Variants in SSBP4 observed in about 807,000 individuals in gnomAD.
SSBP4 encodes single-stranded DNA-binding protein 4.
A neutral mutation model predicts 64.6 loss-of-function variants in SSBP4; 33 were observed. That is an observed-to-expected ratio of 0.51 (90% CI 0.39 to 0.68). The LOEUF is 0.68. Among genes scored for constraint, SSBP4 ranks in the 30% least tolerant of loss-of-function variants. SSBP4 has a pLI of 0.00. For synonymous variants in SSBP4, 243 were observed against 224.0 expected, an observed-to-expected ratio of 1.08 and a Z score of -0.76; for missense variants, 583 against 566.8, an observed-to-expected ratio of 1.03 and a Z score of -0.29.
the SSBP4 span, among the ~76,000 whole-genome samples, chr19:18,409,874 C>G: frequency 6.6e-6 from 1 of 152,114 alleles, no homozygotes; most frequent in African/African-American, 2.4e-5. Flanking sequence ...CTCTGTCATC[C>G]AGGCTGGAGT....
intron 1 of SSBP4, 119 bp downstream of exon 1, chr19:18,419,826 T>C: frequency 1.5e-6 from 1 of 686,896 alleles, no homozygotes. Context: ...CTGAGCGCGC[T>C]CGAGGGGTCG....
intron 7 of SSBP4, 32 bp from the exon 8 acceptor site, chr19:18,431,761 C>T (rs1973404504): frequency 3.2e-6 from 5 of 1,540,042 alleles, no homozygotes; most frequent in Non-Finnish European, 4.4e-6. Flanking sequence ...AGGGAGCACC[C>T]CACACTCAGT....
the SSBP4 span, among the ~76,000 whole-genome samples, chr19:18,407,723 A>G: frequency 6.6e-6 from 1 of 151,788 alleles, no homozygotes. Flanking sequence ...GAGCCACTGT[A>G]CCCGGCCTTA....
At chr19:18,425,167 A>G (rs923198752) in intron 1 of SSBP4, among the ~76,000 whole-genome samples, 2 of 151,954 alleles carry the variant, frequency 1.3e-5, no homozygotes, top group Admixed American at 6.5e-5. Context: ...GTCGAGGAAC[A>G]GGAGACAAGG....
intron 4 of SSBP4, among the ~76,000 whole-genome samples, chr19:18,430,317 C>T (rs546911563): frequency 3.6e-4 from 55 of 152,286 alleles, no homozygotes; most frequent in Admixed American, 7.8e-4. Context: ...ACCACAATTT[C>T]TGGCAGATAC....
the SSBP4 span, among the ~76,000 whole-genome samples, chr19:18,410,196 C>T: frequency 6.6e-6 from 1 of 152,184 alleles, no homozygotes; most frequent in African/African-American, 2.4e-5. Context: ...CGGGGTTTCA[C>T]CGTGTTAGCC....
chr19:18,433,876 C>A, intron 17 of SSBP4, 59 bp downstream of exon 17: 1 of 1,296,420 alleles, frequency 7.7e-7, no homozygotes. Flanking sequence ...GGCTGGCGGG[C>A]AGGCCCCGGC....
At position 18,427,443 on chromosome 19, in the gene SSBP4, C is replaced by G. The variant is rs1455066063; in HGVS notation, c.132+20C>G. 1 of 1,606,602 alleles carries G rather than the reference C, an allele frequency of 6.2e-7. No individual in the cohort carries two copies. The highest frequency in any genetic ancestry group is 8.5e-7 in the Non-Finnish European group (1 of 1,179,376). ...TCTGAGGTAAGCCACCACCTCCAGG[C>G]TGGCCCTCCCTCCTCACCCACACTC... On this transcript the variant is annotated intron_variant, in intron 2 of 17. Transcript: ENST00000270061. The surrounding 1 kb of genome is among the most constrained non-coding windows in gnomAD (Gnocchi z 4.4).
intron 1 of SSBP4, among the ~76,000 whole-genome samples, chr19:18,422,105 G>T (rs1323181117): frequency 6.6e-6 from 1 of 152,198 alleles, no homozygotes; most frequent in African/African-American, 2.4e-5. Flanking sequence ...AGGTTGCAGT[G>T]AGCTGAGATC....
rs76943697 is a variant in SSBP4, at chr19:18,427,735, C to T, written c.133-17C>T. 1.3e-6 allele frequency: 2 copies of T among 1,571,310 alleles called. No homozygotes were observed. The highest frequency in any genetic ancestry group is 1.7e-4 in the Middle Eastern group (1 of 5,866). ...GTCAGGTAGGGCCACCCCCTCACCACCTTCCTTTCCCTGCAGATCCGATGG... is the reference window on the plus strand; with the variant it reads ...GTCAGGTAGGGCCACCCCCTCACCATCTTCCTTTCCCTGCAGATCCGATGG... On this transcript the variant is annotated splice_polypyrimidine_tract_variant and intron_variant, in intron 2 of 17. Coordinates refer to ENST00000270061, the MANE Select transcript of SSBP4 (RefSeq NM_032627.5). This position sits in a 1 kb window ranked among gnomAD's most constrained non-coding sequence, Gnocchi z 4.4.
chr19:18,431,973 A>G, intron 8 of SSBP4, 27 bp from the exon 9 acceptor site: 1 of 1,551,216 alleles, frequency 6.4e-7, no homozygotes, highest in Non-Finnish European at 8.7e-7. Context: ...TCCAGGTCCA[A>G]GTCCCCTTCC....
intron 4 of SSBP4, among the ~76,000 whole-genome samples, chr19:18,430,598 G>A (rs1973279256): frequency 6.6e-6 from 1 of 152,186 alleles, no homozygotes; most frequent in Non-Finnish European, 1.5e-5. Flanking sequence ...ACGATGCAGG[G>A]CCAGTTGAGA....
chr19:18,408,386 C>T, the SSBP4 span, among the ~76,000 whole-genome samples: 2 of 152,176 alleles, frequency 1.3e-5, no homozygotes, highest in African/African-American at 4.8e-5. Context: ...GCACCCCCTG[C>T]AGGGCTCCCC....
chr19:18,432,796 C>T (rs1973547425), intron 12 of SSBP4, 33 bp from the exon 13 acceptor site: 1 of 1,613,580 alleles, frequency 6.2e-7, no homozygotes, highest in South Asian at 1.1e-5. Context: ...AGATGAGGGG[C>T]CATTTCTCAC....
chr19:18,414,421 G>A (rs1972115605), upstream of SSBP4, among the ~76,000 whole-genome samples: 1 of 152,082 alleles, frequency 6.6e-6, no homozygotes, highest in Non-Finnish European at 1.5e-5. Context: ...AAACCCGGAG[G>A]TTGAGGCTGC....
In SSBP4 at chr19:18,432,057, G is replaced by A; in HGVS notation, c.623G>A (p.Ser208Asn). 6.3e-7 allele frequency: 1 copy of A among 1,590,668 alleles called. No individual in the cohort carries two copies. Among genetic ancestry groups the A allele is most frequent in the Non-Finnish European group, 8.6e-7 (1 of 1,164,760 alleles). The change falls in exon 9 of 18, where the codon AGC (serine) becomes AAC (asparagine). Residue 208 changes from serine (S) to asparagine (N), a missense_variant. Ser to Asn is a conservative substitution (Grantham distance 46). Transcript: ENST00000270061. ...GTGACGCCTCCTCGTGGCATGGCCA[G>A]CGTGGGGCCCCAGGTAAGAGTGGAG... is the stretch of plus-strand genomic sequence containing the variant. Reference protein sequence around the residue: ...QRVTPPRGMASVGPQSYGGGM... With the variant: ...QRVTPPRGMANVGPQSYGGGM...
chr19:18,416,138 C>T (rs1600267723), upstream of SSBP4, among the ~76,000 whole-genome samples: 2 of 152,234 alleles, frequency 1.3e-5, no homozygotes, highest in South Asian at 4.1e-4. Context: ...CCTCAGCCTC[C>T]TGAGTAGCTG....
intron 5 of SSBP4, 118 bp downstream of exon 5, chr19:18,431,048 G>C: frequency 1.6e-6 from 2 of 1,225,472 alleles, no homozygotes; most frequent in Non-Finnish European, 1.2e-6. Context: ...TGGGTGGGAG[G>C]GTCCTCTGTG....
At chr19:18,421,171 C>T (rs546198632) in intron 1 of SSBP4, among the ~76,000 whole-genome samples, 124 of 152,382 alleles carry the variant, frequency 8.1e-4, no homozygotes, top group Non-Finnish European at 1.6e-3. Flanking sequence ...ATGCCTGTCC[C>T]CTCTGCCCAG....
Sources: gnomAD v4.1 joint callset for allele counts (sites outside exome capture counted in the v4.1 genomes callset) on GRCh38, gnomAD v4.1.1 for gene constraint, Gnocchi (gnomAD v3.1) non-coding constraint, MANE v1.5 for transcripts, NCBI Gene and HGNC (gene_info 2026-07-23, HGNC 2026-07-21) for gene names.